The following PPFIA2 variants were observed in gnomAD, a reference collection of about 807,000 sequenced individuals.
PPFIA2 encodes PPFI scaffold protein A2.
PPFIA2 carries 46 observed loss-of-function variants against 175.5 expected under a neutral mutation model. The observed-to-expected ratio is 0.26, with a 90% CI of 0.21 to 0.34. PPFIA2 has a LOEUF of 0.34. PPFIA2 is among the 10% of genes least tolerant of loss of function. The pLI is 1.00. For synonymous variants in PPFIA2, 568 were observed against 511.4 expected (o/e 1.11, Z -1.49); for missense variants, 1,179 against 1,506.1 (o/e 0.78, Z 3.60).
At chr12:81,638,920 C>T (rs973835745) in intron 4 of PPFIA2, among the ~76,000 whole-genome samples, 2 of 151,614 alleles carry the variant, frequency 1.3e-5, no homozygotes, top group Admixed American at 6.6e-5. Context: ...ATCTCCTGAC[C>T]TCGTGATCCG....
At chr12:81,699,218 G>T (rs2076227707) in intron 3 of PPFIA2, among the ~76,000 whole-genome samples, 1 of 152,014 alleles carries the variant, frequency 6.6e-6, no homozygotes, top group Non-Finnish European at 1.5e-5. Context: ...AAAACAAGAT[G>T]ACTTTAATGG....
intron 3 of PPFIA2, among the ~76,000 whole-genome samples, chr12:81,691,137 A>C (rs949937224): frequency 2.0e-5 from 3 of 152,114 alleles, no homozygotes; most frequent in Non-Finnish European, 4.4e-5. Context: ...GGGTAATTAA[A>C]AATGTAAGTT....
intron 30 of PPFIA2, among the ~76,000 whole-genome samples, chr12:81,265,291 CAAAAAAAAAAAA>C (rs571821814): frequency 2.9e-5 from 2 of 70,002 alleles, no homozygotes; most frequent in Non-Finnish European, 4.9e-5. Flanking sequence ...GAAACTCTGT[CAAAAAAAAAAAA>C]AAAAAAAAAA....
At chr12:81,475,540 A>G (rs1025156357) in intron 4 of PPFIA2, among the ~76,000 whole-genome samples, 2 of 152,114 alleles carry the variant, frequency 1.3e-5, no homozygotes, top group Non-Finnish European at 2.9e-5. Context: ...TCTTCCCGTG[A>G]TTTTAAATAT....
chr12:81,667,746 T>C lies in PPFIA2; in HGVS notation c.303+9045A>G, dbSNP rs187269178. On this transcript the variant is annotated intron_variant, in intron 4 of 32. Transcript: ENST00000549396. ...CTTAGAGTTACAGGAATAAATCTCATTGTGGATATCCAGACCATTTTCAAG... is the reference window on the plus strand; with the variant it reads ...CTTAGAGTTACAGGAATAAATCTCACTGTGGATATCCAGACCATTTTCAAG... 5.3e-5 allele frequency among the ~76,000 whole-genome samples: 8 copies of C among 152,108 alleles called. No individual in the cohort carries two copies. In the East Asian group the frequency reaches 5.8e-4, roughly 11 times the overall value.
At chr12:81,607,860 TTGTC>T (rs2060488415) in intron 4 of PPFIA2, among the ~76,000 whole-genome samples, 1 of 152,122 alleles carries the variant, frequency 6.6e-6, no homozygotes, top group Non-Finnish European at 1.5e-5. Context: ...ATGGACATCT[TTGTC>T]TGGTTCCATT....
chr12:81,344,843 A>G (rs1186109891), intron 18 of PPFIA2, 150 bp from the exon 19 acceptor site: 1 of 569,924 alleles, frequency 1.8e-6, no homozygotes, highest in African/African-American at 1.9e-5. Context: ...TTTAATTACT[A>G]TAAAAGCACT....
chr12:81,639,522 C>A (rs2064646159), intron 4 of PPFIA2, among the ~76,000 whole-genome samples: 1 of 150,310 alleles, frequency 6.7e-6, no homozygotes, highest in Non-Finnish European at 1.5e-5. Context: ...ATTACAATTA[C>A]AAAGAACATC....
intron 4 of PPFIA2, among the ~76,000 whole-genome samples, chr12:81,494,947 G>A (rs1474818726): frequency 1.7e-5 from 2 of 114,878 alleles, no homozygotes; most frequent in African/African-American, 6.7e-5. Flanking sequence ...ACTGTTGTGG[G>A]GTGGGGGGAG....
At chr12:81,467,487 G>A (rs556219164) in intron 4 of PPFIA2, among the ~76,000 whole-genome samples, 2 of 152,122 alleles carry the variant, frequency 1.3e-5, no homozygotes, top group African/African-American at 4.8e-5. Context: ...TCAGGAGTTC[G>A]AGAACAGCCT....
intron 21 of PPFIA2, among the ~76,000 whole-genome samples, chr12:81,332,331 AC>A (rs1402693414): frequency 7.2e-5 from 11 of 152,044 alleles, no homozygotes; most frequent in Non-Finnish European, 1.5e-4. Flanking sequence ...TTCCTATTTA[AC>A]CACAGAAAAC....
intron 4 of PPFIA2, among the ~76,000 whole-genome samples, chr12:81,646,588 A>T (rs1176017442): frequency 6.6e-6 from 1 of 152,204 alleles, no homozygotes; most frequent in Non-Finnish European, 1.5e-5. Flanking sequence ...AAAATGGAAG[A>T]GGAACATTTT....
Position 81,620,274 on chromosome 12 carries a change from CAG to C in PPFIA2, c.303+56515_303+56516del, listed in dbSNP as rs551396644. Among the ~76,000 whole-genome samples the C allele has an allele frequency of 5.4e-3, 754 of 140,616 alleles. 6 individuals are homozygous for C. Among genetic ancestry groups the C allele is most frequent in the African/African-American group, 0.019 (721 of 38,116 alleles). The allele number at this position is 140,616 out of a possible 152,430, so 92.2% of individuals were successfully genotyped here. On this transcript the variant is annotated intron_variant, in intron 4 of 32. Coordinates refer to ENST00000549396, the MANE Select transcript of PPFIA2 (RefSeq NM_003625.5). ...CTGGCTTATTGAAAAACAATAAAAA[CAG>C]ATGTATCAAAAGTAAAATATGCTAC...
intron 9 of PPFIA2, among the ~76,000 whole-genome samples, chr12:81,381,166 A>C (rs1039706452): frequency 3.0e-4 from 45 of 152,022 alleles, no homozygotes; most frequent in African/African-American, 1.1e-3. Flanking sequence ...ACCTCCCTTC[A>C]AAGGTGGATG....
intron 9 of PPFIA2, among the ~76,000 whole-genome samples, chr12:81,376,890 G>A (rs2036497017): frequency 6.6e-6 from 1 of 151,894 alleles, no homozygotes; most frequent in Admixed American, 6.6e-5. Context: ...CTCTCCTACA[G>A]GGTCCAGAGC....
At chr12:81,757,813 A>C (rs1216162084) in intron 2 of PPFIA2, among the ~76,000 whole-genome samples, 1 of 152,194 alleles carries the variant, frequency 6.6e-6, no homozygotes, top group African/African-American at 2.4e-5. Context: ...ACTTTATTTA[A>C]TCATATCACT....
chr12:81,415,275 AC>A (rs1440650004), intron 7 of PPFIA2, among the ~76,000 whole-genome samples: 6 of 106,962 alleles, frequency 5.6e-5, no homozygotes, highest in African/African-American at 2.0e-4. Flanking sequence ...AAGAATTTTT[AC>A]TACATAAAAT....
At chr12:81,533,791 G>A (rs931864336) in intron 4 of PPFIA2, among the ~76,000 whole-genome samples, 4 of 150,178 alleles carry the variant, frequency 2.7e-5, no homozygotes, top group Non-Finnish European at 5.9e-5. Context: ...ACAAATGTGT[G>A]TATATATATG....
At chr12:81,636,091 TA>T (rs1178258848) in intron 4 of PPFIA2, among the ~76,000 whole-genome samples, 1 of 152,192 alleles carries the variant, frequency 6.6e-6, no homozygotes, top group Admixed American at 6.5e-5. Flanking sequence ...CACTCACTGT[TA>T]AATGTGAAAG....
Sources: allele counts gnomAD v4.1 joint callset (sites outside exome capture counted in the v4.1 genomes callset), GRCh38; gene constraint gnomAD v4.1.1; transcripts MANE v1.5; gene names NCBI Gene and HGNC (gene_info 2026-07-23, HGNC 2026-07-21).